ANKS1B: variants seen among roughly 807,000 people sequenced by gnomAD.
The protein encoded by ANKS1B is ankyrin repeat and sterile alpha motif domain containing 1B, also known as ankyrin repeat and sterile alpha motif domain-containing protein 1B.
A neutral mutation model predicts 148.3 loss-of-function variants in ANKS1B; 36 were observed. That is an observed-to-expected ratio of 0.24 (90% confidence interval 0.19 to 0.32). ANKS1B has a LOEUF of 0.32. Ranked by LOEUF, ANKS1B falls within the 10% of genes least tolerant of loss-of-function variation. The pLI is 1.00. For synonymous variants in ANKS1B, 542 were observed against 560.8 expected (o/e 0.97, Z 0.47); for missense variants, 1,157 against 1,542.6 (o/e 0.75, Z 4.19).
At chr12:99,334,185 G>GATAGATAC (rs142004241) in intron 12 of ANKS1B, among the ~76,000 whole-genome samples, 16,829 of 150,232 alleles carry the variant, frequency 0.11, 987 homozygotes, top group African/African-American at 0.13. Context: ...CAGACAGATA[G>GATAGATAC]ATAGATACAT....
chr12:99,026,956 GGGAT>G (rs1371985864), intron 17 of ANKS1B, among the ~76,000 whole-genome samples: 2 of 152,152 alleles, frequency 1.3e-5, no homozygotes. Context: ...AAGAAATGCG[GGGAT>G]GAATCCTTTT....
intron 8 of ANKS1B, among the ~76,000 whole-genome samples, chr12:99,656,164 GAATT>G (rs761683165): frequency 2.6e-5 from 4 of 152,058 alleles, no homozygotes; most frequent in Admixed American, 2.6e-4. Flanking sequence ...AAAAACAAGA[GAATT>G]AATATCTATA....
At chr12:99,781,901 C>A (rs952531875) in intron 5 of ANKS1B, 121 bp downstream of exon 5, 14 of 788,856 alleles carry the variant, frequency 1.8e-5, no homozygotes, top group Admixed American at 5.8e-5. Context: ...TACATATCTG[C>A]ATTTTAGAGT....
intron 12 of ANKS1B, among the ~76,000 whole-genome samples, chr12:99,356,272 C>T (rs906756442): frequency 2.0e-5 from 3 of 152,162 alleles, no homozygotes; most frequent in Admixed American, 6.5e-5. Flanking sequence ...GCGTAAGTTG[C>T]TGAAGATCTG....
At chr12:99,429,666 G>C (rs7316837) in intron 11 of ANKS1B, among the ~76,000 whole-genome samples, 4,602 of 152,228 alleles carry the variant, frequency 0.03, 233 homozygotes, top group African/African-American at 0.1. Context: ...ATCCTTGTTT[G>C]TAAGAAATAA....
chr12:99,773,008 A>G lies in ANKS1B; in HGVS notation c.1042T>C (p.Leu348=), dbSNP rs746470124. The G allele has an allele frequency of 1.2e-6, 2 of 1,612,282 alleles. No homozygotes were observed. Among genetic ancestry groups the G allele is most frequent in the Non-Finnish European group, 1.7e-6 (2 of 1,178,838 alleles). Residue 348 remains leucine, a synonymous_variant, in exon 8 of 27, where the codon TTG becomes CTG. Coordinates refer to ENST00000683438, the MANE Select transcript of ANKS1B (RefSeq NM_001352186.2). ...TAGTGGTCTGATATTGTGTGGCACA[A>G]GTCTTCAAACGAATAATCCTTTTCT... is the stretch of plus-strand genomic sequence containing the variant. ...CQEKDYSFED[L]CHTISDHYLD... is the part of the protein sequence containing the mutation.
At chr12:99,309,052 C>T (rs1013584433) in intron 12 of ANKS1B, among the ~76,000 whole-genome samples, 1 of 151,520 alleles carries the variant, frequency 6.6e-6, no homozygotes, top group African/African-American at 2.4e-5. Context: ...CAGCTAGGAA[C>T]CTGGCTAAAC....
intron 9 of ANKS1B, among the ~76,000 whole-genome samples, chr12:99,622,661 T>C (rs2098068242): frequency 6.6e-6 from 1 of 151,684 alleles, no homozygotes; most frequent in Non-Finnish European, 1.5e-5. Context: ...AACTGACAAA[T>C]TCCTAGAAAC....
At chr12:99,865,498 T>C (rs2090615076) in intron 1 of ANKS1B, among the ~76,000 whole-genome samples, 1 of 152,192 alleles carries the variant, frequency 6.6e-6, no homozygotes, top group South Asian at 2.1e-4. Context: ...CGAGGCATCC[T>C]GGATAGACTG....
intron 12 of ANKS1B, among the ~76,000 whole-genome samples, chr12:99,258,551 A>G (rs2075559405): frequency 6.6e-6 from 1 of 151,944 alleles, no homozygotes; most frequent in Non-Finnish European, 1.5e-5. Flanking sequence ...AACTTGTCTC[A>G]ACAAGCTTTT....
chr12:99,919,554 T>C (rs1357900804), intron 1 of ANKS1B, among the ~76,000 whole-genome samples: 1 of 152,026 alleles, frequency 6.6e-6, no homozygotes, highest in African/African-American at 2.4e-5. Flanking sequence ...GAAATAACAA[T>C]AATAGATTAG....
At chr12:99,183,665 C>A (rs1414349891) in intron 14 of ANKS1B, among the ~76,000 whole-genome samples, 1 of 152,046 alleles carries the variant, frequency 6.6e-6, no homozygotes, top group East Asian at 1.9e-4. Context: ...ACAATAACAA[C>A]AACAAATCAT....
In ANKS1B at chr12:99,970,170, A is replaced by G. The variant is rs368491305; in HGVS notation, c.134+13934T>C. The stretch of plus-strand genomic sequence containing the variant: ...TAAAATGCATATTTCCAGGCCTTAC[A>G]CTTAGAAATTCTTAGAATACTCAGA... On this transcript the variant is annotated intron_variant, in intron 1 of 26. Transcript: ENST00000683438. Among the ~76,000 whole-genome samples, 33 of 152,312 alleles carry G rather than the reference A, an allele frequency of 2.2e-4. No homozygotes were observed. The East Asian group carries it at 5.4e-3, about 25-fold the overall frequency.
In ANKS1B at chr12:98,745,692, G is replaced by A. The variant is rs1208803057; in HGVS notation, c.*47C>T. ...AGGCGCGAAGGAAAGCCTGCTCCGG[G>A]ACCGCTTGGCGAGCAAGGCACCGCG... On this transcript the variant is annotated 3_prime_UTR_variant, in exon 27 of 27. Transcript: ENST00000683438. 1 of 1,605,862 alleles carries A rather than the reference G, an allele frequency of 6.2e-7. No homozygotes were observed.
Position 99,775,636 on chromosome 12 carries a change from A to G in ANKS1B, c.873T>C (p.Ser291=), listed in dbSNP as rs766885606. 1.2e-6 allele frequency: 2 copies of G among 1,610,990 alleles called. No homozygotes were observed. The highest frequency in any genetic ancestry group is 2.2e-5 in the South Asian group (2 of 90,724). The change falls in exon 7 of 27, where the codon TCT becomes TCC. Residue 291 remains serine, a synonymous_variant. Coordinates refer to ENST00000683438, the MANE Select transcript of ANKS1B (RefSeq NM_001352186.2). Reference sequence around the variant, plus strand: ...CCTGTACAGGCTCTTCGAGGACTGTAGATCTTCCCACGCCTTCTAAATACT... The same window carrying G: ...CCTGTACAGGCTCTTCGAGGACTGTGGATCTTCCCACGCCTTCTAAATACT... ...LQEYLEGVGR[S]TVLEEPVQED...
intron 11 of ANKS1B, among the ~76,000 whole-genome samples, chr12:99,414,141 T>C (rs1314022818): frequency 6.6e-6 from 1 of 151,988 alleles, no homozygotes; most frequent in African/African-American, 2.4e-5. Context: ...CTTTTACCTA[T>C]TAGGTTTCTG....
At chr12:98,735,806 G>A (rs2097769883) in intron 9 of ANKS1B, among the ~76,000 whole-genome samples, 1 of 152,154 alleles carries the variant, frequency 6.6e-6, no homozygotes, top group African/African-American at 2.4e-5. Context: ...GGCAGAAAAA[G>A]TAAATAAGTA....
chr12:99,528,117 C>T (rs536035167), intron 9 of ANKS1B, among the ~76,000 whole-genome samples: 8 of 152,014 alleles, frequency 5.3e-5, no homozygotes, highest in South Asian at 2.1e-4. Flanking sequence ...AAACAAGCAA[C>T]GGGAAAAGTA....
Position 99,967,746 on chromosome 12 carries a change from A to C in ANKS1B, c.134+16358T>G, listed in dbSNP as rs185870032. On this transcript the variant is annotated intron_variant, in intron 1 of 26. Coordinates refer to ENST00000683438, the MANE Select transcript of ANKS1B (RefSeq NM_001352186.2). Reference sequence around the variant, plus strand: ...ACATGGTGAAACGCCGTCTCTACTAAAAATACAAAAATTAGCTGGGCATGG... The same window carrying C: ...ACATGGTGAAACGCCGTCTCTACTACAAATACAAAAATTAGCTGGGCATGG... Among the ~76,000 whole-genome samples, 41 of 152,024 alleles carry C rather than the reference A, an allele frequency of 2.7e-4. No homozygotes were observed. In the East Asian group the frequency reaches 7.2e-3, roughly 27 times the overall value.
Sources: allele counts gnomAD v4.1 joint callset (sites outside exome capture counted in the v4.1 genomes callset), GRCh38; gene constraint gnomAD v4.1.1; transcripts MANE v1.5; gene names NCBI Gene and HGNC (gene_info 2026-07-23, HGNC 2026-07-21).